Variants in CNBD1 observed in about 807,000 individuals in gnomAD.
The protein encoded by CNBD1 is cyclic nucleotide binding domain containing 1, also known as cyclic nucleotide-binding domain-containing protein 1.
Under a neutral mutation model 54.4 loss-of-function variants are expected in CNBD1, and 71 were observed. That is an observed-to-expected ratio of 1.30 (90% CI 1.08 to 1.59). The LOEUF (loss-of-function observed/expected upper bound fraction) is 1.59, where lower values mean the gene tolerates loss of function less well. Among genes scored for constraint, CNBD1 ranks in the 40% most tolerant of loss-of-function variants. The pLI, the probability that CNBD1 is intolerant of heterozygous loss-of-function variation, is 0.00. For synonymous variants in CNBD1, 182 were observed against 170.7 expected (o/e 1.07, Z -0.51); for missense variants, 659 against 518.0 (o/e 1.27, Z -2.64).
intron 4 of CNBD1, among the ~76,000 whole-genome samples, chr8:87,068,055 T>G (rs1288570302): frequency 6.6e-6 from 1 of 152,078 alleles, no homozygotes; most frequent in East Asian, 1.9e-4. Context: ...CGTTAAGCAT[T>G]CTGAGGTGTG....
chr8:87,243,794 C>T (rs1437659008), intron 6 of CNBD1, among the ~76,000 whole-genome samples: 1 of 151,994 alleles, frequency 6.6e-6, no homozygotes, highest in Non-Finnish European at 1.5e-5. Flanking sequence ...AACAAAAATA[C>T]ATAAATGTCA....
At chr8:87,341,181 A>G (rs1253308245) in intron 8 of CNBD1, among the ~76,000 whole-genome samples, 1 of 151,916 alleles carries the variant, frequency 6.6e-6, no homozygotes, top group East Asian at 1.9e-4. Flanking sequence ...GGCACTCATA[A>G]CCTCTTGCTC....
At chr8:87,383,019 G>A (rs187026927), downstream of CNBD1, among the ~76,000 whole-genome samples, 61 of 151,912 alleles carry the variant, frequency 4.0e-4, no homozygotes, top group African/African-American at 1.3e-3. Context: ...TTTGGATTGA[G>A]GACCACATGT....
intron 10 of CNBD1, among the ~76,000 whole-genome samples, chr8:87,377,021 CT>C (rs566160843): frequency 0.051 from 6,497 of 127,984 alleles, 174 homozygotes; most frequent in Non-Finnish European, 0.071. Context: ...TATTTTTTTT[CT>C]TTTTTTTTTT....
At chr8:87,117,984 A>G (rs934704425) in intron 4 of CNBD1, among the ~76,000 whole-genome samples, 2 of 152,158 alleles carry the variant, frequency 1.3e-5, no homozygotes, top group African/African-American at 2.4e-5. Flanking sequence ...ATAATAAACC[A>G]TAAAATATGT....
At chr8:87,362,698 A>G (rs994385220) in intron 10 of CNBD1, among the ~76,000 whole-genome samples, 2 of 152,070 alleles carry the variant, frequency 1.3e-5, no homozygotes, top group Non-Finnish European at 2.9e-5. Context: ...CTCAGAAAAG[A>G]CCAGGCAGCC....
intron 6 of CNBD1, among the ~76,000 whole-genome samples, chr8:87,267,914 A>T (rs148244072): frequency 4.1e-4 from 63 of 152,308 alleles, no homozygotes; most frequent in African/African-American, 1.4e-3. Context: ...ATACACAAAA[A>T]TTGTTTAATT....
intron 4 of CNBD1, among the ~76,000 whole-genome samples, chr8:87,181,883 GT>G (rs1813355350): frequency 6.6e-6 from 1 of 152,124 alleles, no homozygotes; most frequent in South Asian, 2.1e-4. Flanking sequence ...GGTTTACGTG[GT>G]ATTTATTTTT....
intron 4 of CNBD1, among the ~76,000 whole-genome samples, chr8:87,150,030 A>G (rs746204026): frequency 1.4e-4 from 21 of 152,194 alleles, no homozygotes; most frequent in Non-Finnish European, 2.8e-4. Context: ...ATAAAAACTT[A>G]GCCTGGCGTG....
chr8:87,416,871 A>C (rs909724685), intron 2 of CNBD1, among the ~76,000 whole-genome samples: 1 of 152,046 alleles, frequency 6.6e-6, no homozygotes, highest in Non-Finnish European at 1.5e-5. Flanking sequence ...TGGATGTAAA[A>C]ATTCTCAACA....
intron 2 of CNBD1, among the ~76,000 whole-genome samples, chr8:87,414,429 A>G (rs920445337): frequency 1.3e-5 from 2 of 151,980 alleles, no homozygotes; most frequent in African/African-American, 2.4e-5. Flanking sequence ...GCTAAATGAC[A>G]AGTTAATGGG....
intron 6 of CNBD1, among the ~76,000 whole-genome samples, chr8:87,272,997 G>A (rs7825722): frequency 6.6e-6 from 1 of 151,488 alleles, no homozygotes; most frequent in Admixed American, 6.6e-5. Flanking sequence ...GTATGGAGGG[G>A]CAATTCTACC....
chr8:87,387,394 T>C (rs1811211396), downstream of CNBD1, among the ~76,000 whole-genome samples: 1 of 151,476 alleles, frequency 6.6e-6, no homozygotes, highest in African/African-American at 2.4e-5. Context: ...AGGCTCAAAA[T>C]AAAAGGATGG....
chr8:86,983,393 G>C (rs1586179180), intron 4 of CNBD1, among the ~76,000 whole-genome samples: 1 of 152,130 alleles, frequency 6.6e-6, no homozygotes, highest in Non-Finnish European at 1.5e-5. Flanking sequence ...GCAGTAAATT[G>C]GTACCAGTAG....
At chr8:87,252,141 T>C (rs931082026) in intron 6 of CNBD1, among the ~76,000 whole-genome samples, 3 of 152,328 alleles carry the variant, frequency 2.0e-5, no homozygotes, top group South Asian at 4.1e-4. Flanking sequence ...ATCAGAATTA[T>C]ATTCATTATT....
In CNBD1 at chr8:87,171,794, C is replaced by T. The variant is rs1445874760; in HGVS notation, c.432-34199C>T. ...CTGGGATTACAGGTGCCCACCACCA[C>T]GCCTGGCTAATTTTTCTTTTTTTTG... is the stretch of plus-strand genomic sequence containing the variant. On this transcript the variant is annotated intron_variant, in intron 4 of 10. Coordinates refer to ENST00000518476, the MANE Select transcript of CNBD1 (RefSeq NM_173538.3). 4.1e-5 allele frequency among the ~76,000 whole-genome samples: 6 copies of T among 147,560 alleles called. No individual in the cohort carries two copies. The East Asian group carries it at 5.9e-4, about 15-fold the overall frequency.
At chr8:86,999,880 A>G (rs1044792495) in intron 4 of CNBD1, among the ~76,000 whole-genome samples, 4 of 152,244 alleles carry the variant, frequency 2.6e-5, no homozygotes, top group African/African-American at 7.2e-5. Context: ...CCCATGGGGC[A>G]GAACCAGGGG....
chr8:87,305,816 C>G (rs1450992147), intron 8 of CNBD1, among the ~76,000 whole-genome samples: 1 of 151,984 alleles, frequency 6.6e-6, no homozygotes, highest in Non-Finnish European at 1.5e-5. Context: ...ATGATAACAT[C>G]AGGAAAACCC....
chr8:87,216,830 T>A (rs562911848), intron 5 of CNBD1, among the ~76,000 whole-genome samples: 1 of 152,320 alleles, frequency 6.6e-6, no homozygotes, highest in Non-Finnish European at 1.5e-5. Context: ...ACATGTATCA[T>A]CAAAGAGCCT....
Sources: gnomAD v4.1 joint callset for allele counts (sites outside exome capture counted in the v4.1 genomes callset) on GRCh38, gnomAD v4.1.1 for gene constraint, MANE v1.5 for transcripts, NCBI Gene and HGNC (gene_info 2026-07-23, HGNC 2026-07-21) for gene names.